The following NLK variants were observed in gnomAD, a reference collection of about 807,000 sequenced individuals.
NLK encodes nemo like kinase.
NLK carries 11 observed loss-of-function variants against 59.0 expected under a neutral mutation model. The observed-to-expected ratio is 0.19, with a 90% confidence interval of 0.12 to 0.31. The LOEUF is 0.31. NLK is among the 10% of genes least tolerant of loss of function. The pLI is 1.00. For synonymous variants in NLK, 235 were observed against 235.9 expected (o/e 1.00, Z 0.03); for missense variants, 410 against 661.1 (o/e 0.62, Z 4.16).
At chr17:28,138,916 C>T (rs1906871473) in intron 3 of NLK, among the ~76,000 whole-genome samples, 2 of 151,990 alleles carry the variant, frequency 1.3e-5, no homozygotes, top group Admixed American at 6.6e-5. Context: ...GTAGAGGATA[C>T]AATCACATAA....
chr17:28,193,587 G>A (rs988461398), intron 10 of NLK, among the ~76,000 whole-genome samples: 1 of 152,198 alleles, frequency 6.6e-6, no homozygotes, highest in Non-Finnish European at 1.5e-5. Context: ...TCTGGCTCCA[G>A]TATCACAAAG....
intron 1 of NLK, among the ~76,000 whole-genome samples, chr17:28,100,161 A>G (rs1904856815): frequency 1.3e-5 from 2 of 152,146 alleles, no homozygotes; most frequent in Admixed American, 6.5e-5. Flanking sequence ...TTTACATTAC[A>G]TAGCTCTTTT....
At chr17:28,119,289 C>T (rs963748542) in intron 1 of NLK, among the ~76,000 whole-genome samples, 2 of 152,210 alleles carry the variant, frequency 1.3e-5, no homozygotes, top group African/African-American at 4.8e-5. Flanking sequence ...CTGCCATTCA[C>T]ATTCATTAGA....
intron 7 of NLK, among the ~76,000 whole-genome samples, chr17:28,182,106 C>T (rs1908932461): frequency 6.6e-6 from 1 of 152,074 alleles, no homozygotes; most frequent in African/African-American, 2.4e-5. Context: ...TTAAAGATAC[C>T]AAGGTTAAGA....
At chr17:28,154,340 C>T (rs367602799) in intron 3 of NLK, among the ~76,000 whole-genome samples, 44 of 152,248 alleles carry the variant, frequency 2.9e-4, no homozygotes, top group African/African-American at 1.1e-3. Flanking sequence ...AAGTTTATTC[C>T]CTGGACACCC....
chr17:28,131,470 A>C (rs1906512258), intron 2 of NLK, among the ~76,000 whole-genome samples: 1 of 151,682 alleles, frequency 6.6e-6, no homozygotes, highest in Admixed American at 6.6e-5. Context: ...GGGAGAGTAA[A>C]GGGTAGAGAT....
intron 1 of NLK, among the ~76,000 whole-genome samples, chr17:28,100,766 G>C (rs1198362608): frequency 6.6e-6 from 1 of 152,016 alleles, no homozygotes; most frequent in Non-Finnish European, 1.5e-5. Context: ...TTGTGTTCTA[G>C]AAATCTTTAC....
chr17:28,074,882 C>T (rs887835670), intron 1 of NLK, among the ~76,000 whole-genome samples: 1 of 152,114 alleles, frequency 6.6e-6, no homozygotes, highest in Non-Finnish European at 1.5e-5. Context: ...AGAGGAGGTG[C>T]CAACACCCGA....
At chr17:28,192,637 C>A (rs1378722139) in intron 10 of NLK, among the ~76,000 whole-genome samples, 1 of 151,670 alleles carries the variant, frequency 6.6e-6, no homozygotes, top group African/African-American at 2.4e-5. Context: ...CATTGCACTC[C>A]AGCCTAGGCA....
At chr17:28,073,304 G>C (rs1183321188) in intron 1 of NLK, among the ~76,000 whole-genome samples, 1 of 152,106 alleles carries the variant, frequency 6.6e-6, no homozygotes, top group Non-Finnish European at 1.5e-5. Flanking sequence ...TAGCATATTT[G>C]TAAAGGTATA....
Position 28,195,211 on chromosome 17 carries a change from T to C in NLK, c.*575T>C, listed in dbSNP as rs1269998372. On this transcript the variant is annotated 3_prime_UTR_variant, in exon 11 of 11. Transcript: ENST00000407008. ...TCAAGCCCTATAATTAGCTTCTCAT[T>C]AGAGCCGTGATGGTGATGTGTGCTG... The C allele has an allele frequency of 6.6e-6, 1 of 152,018 alleles. No homozygotes were observed. Among genetic ancestry groups the C allele is most frequent in the African/African-American group, 2.4e-5 (1 of 41,392 alleles). The allele number at this position is 152,018 out of a possible 1,614,324, so 9.4% of individuals were successfully genotyped here. A position where few individuals can be genotyped will look rare whatever the true frequency, so the allele number is the denominator to read the frequency against.
At chr17:28,201,535 C>T in the NLK span, among the ~76,000 whole-genome samples, 2 of 150,624 alleles carry the variant, frequency 1.3e-5, no homozygotes, top group African/African-American at 2.4e-5. Flanking sequence ...CAGTGAGATT[C>T]CATGTCAAAA....
intron 7 of NLK, among the ~76,000 whole-genome samples, chr17:28,174,397 G>A (rs1194413538): frequency 6.6e-6 from 1 of 151,974 alleles, no homozygotes; most frequent in Non-Finnish European, 1.5e-5. Context: ...CCTTAAGGGA[G>A]CACTGTGGTA....
At chr17:28,184,199 T>C (rs148229517) in intron 7 of NLK, among the ~76,000 whole-genome samples, 1 of 152,352 alleles carries the variant, frequency 6.6e-6, no homozygotes, top group East Asian at 1.9e-4. Context: ...TGTACTTTCT[T>C]ACAGGTTCTG....
intron 6 of NLK, 118 bp downstream of exon 6, chr17:28,168,775 C>A: frequency 1.4e-6 from 1 of 709,448 alleles, no homozygotes; most frequent in South Asian, 1.8e-5. Context: ...TTAGGAAATT[C>A]AGGTTCACTT....
chr17:28,193,575 G>A (rs1032903957), intron 10 of NLK, among the ~76,000 whole-genome samples: 1 of 152,152 alleles, frequency 6.6e-6, no homozygotes, highest in Non-Finnish European at 1.5e-5. Flanking sequence ...CCATGAACAG[G>A]GTCTGGCTCC....
chr17:28,046,945 C>A (rs530732081), intron 1 of NLK, among the ~76,000 whole-genome samples: 4 of 152,262 alleles, frequency 2.6e-5, no homozygotes, highest in Admixed American at 2.6e-4. Flanking sequence ...TTTGTGTACT[C>A]CAAGTAATGT....
chr17:28,204,741 A>T, the NLK span, among the ~76,000 whole-genome samples: 1 of 152,218 alleles, frequency 6.6e-6, no homozygotes, highest in Non-Finnish European at 1.5e-5. Context: ...AGTCCTAGGG[A>T]ATAAACAGGG....
chr17:28,137,278 A>G (rs1041951563), intron 3 of NLK, among the ~76,000 whole-genome samples: 6 of 152,160 alleles, frequency 3.9e-5, no homozygotes, highest in Non-Finnish European at 5.9e-5. Context: ...ATGAAGTGCT[A>G]TTGTTTTAGG....
Sources: gnomAD v4.1 joint callset for allele counts (sites outside exome capture counted in the v4.1 genomes callset) on GRCh38, gnomAD v4.1.1 for gene constraint, MANE v1.5 for transcripts, NCBI Gene and HGNC (gene_info 2026-07-23, HGNC 2026-07-21) for gene names.